PLSCR4: variants seen among roughly 807,000 people sequenced by gnomAD.
PLSCR4 encodes Ca(2+)-dependent phospholipid scramblase 4.
In PLSCR4, 25 loss-of-function variants were observed where a neutral mutation model predicts 36.3. The observed-to-expected ratio is 0.69, with a 90% CI of 0.50 to 0.96. The LOEUF (loss-of-function observed/expected upper bound fraction) is 0.96. Among genes scored for constraint, PLSCR4 ranks in the 40% least tolerant of loss-of-function variants. The pLI, the probability that PLSCR4 is intolerant of heterozygous loss-of-function variation, is 0.00. For synonymous variants in PLSCR4, 122 were observed against 132.9 expected, an observed-to-expected ratio of 0.92 and a Z score of 0.56; for missense variants, 408 against 414.7, an observed-to-expected ratio of 0.98 and a Z score of 0.14.
Position 146,222,105 on chromosome 3 carries a change from A to C in PLSCR4, c.-21-13T>G, listed in dbSNP as rs375244654. The C allele has an allele frequency of 3.7e-4, 389 of 1,047,594 alleles. 9 individuals carry two copies. In the South Asian group the frequency reaches 6.6e-3, roughly 18 times the overall value. 64.9% of individuals were successfully genotyped at this position (1,047,594 alleles called of 1,614,324 possible). A position where few individuals can be genotyped will look rare whatever the true frequency, so the allele number is the denominator to read the frequency against. ...ATTCCAATTAATCCTGAAAAATAAA[A>C]AATGTTAATGCCTTTAAAATACATA... On this transcript the variant is annotated splice_polypyrimidine_tract_variant and intron_variant, in intron 1 of 8. Transcript: ENST00000354952.
chr3:146,249,179 G>GGGTCTA (rs1241932346), intron 1 of PLSCR4, among the ~76,000 whole-genome samples: 1 of 151,912 alleles, frequency 6.6e-6, no homozygotes, highest in Non-Finnish European at 1.5e-5. Flanking sequence ...GTCCCTAAAT[G>GGGTCTA]GGTCTAGGTT....
intron 1 of PLSCR4, among the ~76,000 whole-genome samples, chr3:146,239,578 A>T (rs962839370): frequency 1.3e-5 from 2 of 152,020 alleles, no homozygotes. Context: ...TAATTAATCA[A>T]AGTATATTAT....
intron 1 of PLSCR4, chr3:146,223,888 C>A: frequency 6.9e-6 from 1 of 145,214 alleles, no homozygotes; most frequent in African/African-American, 2.5e-5. Flanking sequence ...TATATTTTTA[C>A]ATTTATATTT....
intron 1 of PLSCR4, among the ~76,000 whole-genome samples, chr3:146,244,531 A>C (rs1026335131): frequency 6.6e-6 from 1 of 151,984 alleles, no homozygotes; most frequent in African/African-American, 2.4e-5. Flanking sequence ...TTTTCATAAC[A>C]ATCTGTTATG....
chr3:146,206,738 G>T lies in PLSCR4; in HGVS notation c.142C>A (p.Pro48Thr), dbSNP rs770921090. 6.3e-7 allele frequency: 1 copy of T among 1,597,300 alleles called. No individual in the cohort carries two copies. Among genetic ancestry groups the T allele is most frequent in the Non-Finnish European group, 8.5e-7 (1 of 1,170,520 alleles). ...LPGPPGTAVP[P>T]PTGYPGGLPM... The stretch of plus-strand genomic sequence containing the variant: ...AAGCCTCCTGGGTAGCCAGTAGGTG[G>T]AGGGACAGCTGTTCCAGGGGGTCCT... Residue 48 changes from proline to threonine, a missense_variant, in exon 4 of 9, where the codon CCA becomes ACA. By Grantham distance (38) the Pro-to-Thr change is conservative (BLOSUM62 -1). Transcript: ENST00000354952.
In PLSCR4 at chr3:146,214,731, T is replaced by C. The variant is rs184462000; in HGVS notation, c.118+6084A>G. Among the ~76,000 whole-genome samples, 72 of 152,262 alleles carry C rather than the reference T, an allele frequency of 4.7e-4. No homozygotes were observed. In the Middle Eastern group the frequency reaches 0.01, roughly 22 times the overall value. On this transcript the variant is annotated intron_variant, in intron 3 of 8. Transcript: ENST00000354952. ...GAATGTGTATTATGCTGTTGTTGGG[T>C]AGAGTGTTCTATTATGCTATTACGT...
At chr3:146,201,170 T>C (rs2034029519) in intron 4 of PLSCR4, 93 bp from the exon 5 acceptor site, 1 of 735,402 alleles carries the variant, frequency 1.4e-6, no homozygotes, top group Non-Finnish European at 2.1e-6. Flanking sequence ...TTAAAATGCA[T>C]CAATTGATAC....
At chr3:146,195,641 G>A (rs990429322) in intron 7 of PLSCR4, among the ~76,000 whole-genome samples, 12 of 152,144 alleles carry the variant, frequency 7.9e-5, no homozygotes, top group Admixed American at 3.3e-4. Flanking sequence ...AGCAAAAACC[G>A]GGAAACAAGT....
At chr3:146,246,763 T>C (rs2036353881) in intron 1 of PLSCR4, among the ~76,000 whole-genome samples, 1 of 152,172 alleles carries the variant, frequency 6.6e-6, no homozygotes, top group Non-Finnish European at 1.5e-5. Context: ...TTGCATACAG[T>C]TAAGTCACTT....
At chr3:146,203,713 T>C (rs1308132589) in intron 4 of PLSCR4, among the ~76,000 whole-genome samples, 6 of 151,952 alleles carry the variant, frequency 3.9e-5, no homozygotes, top group African/African-American at 7.2e-5. Context: ...TCAGCCTACA[T>C]AGAATTTAGG....
intron 1 of PLSCR4, among the ~76,000 whole-genome samples, chr3:146,230,113 G>GTAGGCCCC (rs1480179331): frequency 6.6e-6 from 1 of 152,176 alleles, no homozygotes; most frequent in East Asian, 1.9e-4. Context: ...TTGTTAGGAA[G>GTAGGCCCC]TAGGCCCCTA....
chr3:146,230,748 A>C (rs529432893), intron 1 of PLSCR4, among the ~76,000 whole-genome samples: 1 of 152,224 alleles, frequency 6.6e-6, no homozygotes, highest in Non-Finnish European at 1.5e-5. Context: ...AGTTTTAAAG[A>C]GGTAAGAACC....
At chr3:146,198,022 G>T (rs1559897368) in intron 6 of PLSCR4, among the ~76,000 whole-genome samples, 1 of 152,076 alleles carries the variant, frequency 6.6e-6, no homozygotes, top group Non-Finnish European at 1.5e-5. Context: ...TGAACTAGTG[G>T]TAACAGCTTG....
intron 2 of PLSCR4, among the ~76,000 whole-genome samples, 178 bp downstream of exon 2, chr3:146,221,887 T>C (rs2035161028): frequency 6.6e-6 from 1 of 152,002 alleles, no homozygotes; most frequent in Non-Finnish European, 1.5e-5. Flanking sequence ...GATAGGAATG[T>C]CTATATACAT....
chr3:146,215,583 T>C (rs2034853599), intron 3 of PLSCR4, among the ~76,000 whole-genome samples: 1 of 152,214 alleles, frequency 6.6e-6, no homozygotes, highest in African/African-American at 2.4e-5. Flanking sequence ...TAAACTGTAG[T>C]TTCTTTCTGA....
intron 3 of PLSCR4, among the ~76,000 whole-genome samples, chr3:146,210,997 T>C (rs1238369331): frequency 1.3e-5 from 2 of 152,094 alleles, no homozygotes; most frequent in Non-Finnish European, 2.9e-5. Flanking sequence ...ACATTTAGGT[T>C]GCTTTCACTC....
intron 1 of PLSCR4, among the ~76,000 whole-genome samples, chr3:146,234,553 TTC>T (rs920070866): frequency 6.6e-6 from 1 of 152,154 alleles, no homozygotes; most frequent in Non-Finnish European, 1.5e-5. Context: ...TCCCTTTTTT[TTC>T]TCTCTGCCTT....
chr3:146,225,489 C>G (rs2035415628), intron 1 of PLSCR4, among the ~76,000 whole-genome samples: 1 of 152,126 alleles, frequency 6.6e-6, no homozygotes, highest in Non-Finnish European at 1.5e-5. Context: ...GGGGGTGGTG[C>G]TCGTCGGGGA....
chr3:146,242,989 CA>C (rs1221695163), intron 1 of PLSCR4, among the ~76,000 whole-genome samples: 1 of 152,128 alleles, frequency 6.6e-6, no homozygotes, highest in Non-Finnish European at 1.5e-5. Context: ...AGAAAGCCCC[CA>C]AAGGCTTTAA....
Sources: allele counts gnomAD v4.1 joint callset (sites outside exome capture counted in the v4.1 genomes callset), GRCh38; gene constraint gnomAD v4.1.1; transcripts MANE v1.5; gene names NCBI Gene and HGNC (gene_info 2026-07-23, HGNC 2026-07-21).